The following DIP2B variants were observed in gnomAD, a reference collection of about 807,000 sequenced individuals.
DIP2B encodes disco-interacting protein 2 homolog B.
A neutral mutation model predicts 198.0 loss-of-function variants in DIP2B; 76 were observed. That is an observed-to-expected ratio of 0.38 (90% CI 0.32 to 0.46). DIP2B has a LOEUF of 0.46. DIP2B is among the 20% of genes least tolerant of loss of function. The pLI is 0.99. For synonymous variants in DIP2B, 701 were observed against 739.1 expected (o/e 0.95, Z 0.84); for missense variants, 1,559 against 1,978.4 (o/e 0.79, Z 4.02).
At chr12:50,647,728 G>T (rs1235179173) in intron 3 of DIP2B, among the ~76,000 whole-genome samples, 1 of 152,156 alleles carries the variant, frequency 6.6e-6, no homozygotes, top group Non-Finnish European at 1.5e-5. Flanking sequence ...TAACAAGTAA[G>T]GTCACTTGGT....
chr12:50,596,787 A>T (rs944848780), intron 1 of DIP2B, among the ~76,000 whole-genome samples: 1 of 152,258 alleles, frequency 6.6e-6, no homozygotes, highest in Non-Finnish European at 1.5e-5. Context: ...AGAATTCGGT[A>T]ACTAAGGAGT....
At chr12:50,648,367 T>G (rs1938387103) in intron 3 of DIP2B, among the ~76,000 whole-genome samples, 1 of 152,100 alleles carries the variant, frequency 6.6e-6, no homozygotes. Context: ...ATTATTTTAT[T>G]TATTTATTTT....
rs1043363650 is a variant in DIP2B, at chr12:50,710,875, G to C, written c.2649+2313G>C. Reference sequence around the variant, plus strand: ...GGAAAGACTATGAAGAAGGTAGAACGGGGCAGATCTCTGAAAGATGGCTAA... The same window carrying C: ...GGAAAGACTATGAAGAAGGTAGAACCGGGCAGATCTCTGAAAGATGGCTAA... On this transcript the variant is annotated intron_variant, in intron 22 of 37. Transcript: ENST00000301180. Among the ~76,000 whole-genome samples, 3 of 152,184 alleles carry C rather than the reference G, an allele frequency of 2.0e-5. No individual in the cohort carries two copies. The East Asian group carries it at 5.8e-4, about 29-fold the overall frequency.
At chr12:50,578,973 A>C (rs951328865) in intron 1 of DIP2B, among the ~76,000 whole-genome samples, 1 of 152,230 alleles carries the variant, frequency 6.6e-6, no homozygotes, top group Non-Finnish European at 1.5e-5. Flanking sequence ...AAATTGCTGG[A>C]AACAGCACAA....
At chr12:50,683,700 G>A (rs961386996) in intron 10 of DIP2B, among the ~76,000 whole-genome samples, 3 of 152,054 alleles carry the variant, frequency 2.0e-5, no homozygotes, top group Non-Finnish European at 4.4e-5. Flanking sequence ...GGAGAATGGC[G>A]TGAACCCTAG....
intron 1 of DIP2B, among the ~76,000 whole-genome samples, chr12:50,616,368 C>T (rs984376602): frequency 2.0e-5 from 3 of 152,096 alleles, no homozygotes; most frequent in East Asian, 1.9e-4. Context: ...TATAGACTGC[C>T]GGTTGAAGAC....
intron 17 of DIP2B, 142 bp downstream of exon 17, chr12:50,697,317 G>A: frequency 1.5e-6 from 1 of 680,940 alleles, no homozygotes; most frequent in Non-Finnish European, 2.4e-6. Context: ...CTTGCTCAAA[G>A]TGTATGCAGT....
chr12:50,533,767 T>G (rs548024971), intron 1 of DIP2B, among the ~76,000 whole-genome samples: 29 of 152,174 alleles, frequency 1.9e-4, no homozygotes, highest in African/African-American at 6.7e-4. Flanking sequence ...TTTTAAATTT[T>G]TTTAGACAGA....
At chr12:50,575,024 AT>A (rs1305456706) in intron 1 of DIP2B, among the ~76,000 whole-genome samples, 30 of 152,034 alleles carry the variant, frequency 2.0e-4, no homozygotes, top group Admixed American at 2.0e-3. Context: ...CATCTCTTTC[AT>A]TTTTAGTTTT....
chr12:50,650,305 A>G (rs1428137433), intron 3 of DIP2B, among the ~76,000 whole-genome samples: 1 of 152,246 alleles, frequency 6.6e-6, no homozygotes, highest in Non-Finnish European at 1.5e-5. Flanking sequence ...TAAAAATGAC[A>G]TAAAATATTT....
At chr12:50,538,819 G>C (rs1958293212) in intron 1 of DIP2B, among the ~76,000 whole-genome samples, 1 of 152,058 alleles carries the variant, frequency 6.6e-6, no homozygotes, top group South Asian at 2.1e-4. Context: ...TGAATACTGG[G>C]AAAAGCAAAC....
intron 4 of DIP2B, among the ~76,000 whole-genome samples, chr12:50,665,208 A>T (rs1326905890): frequency 6.6e-6 from 1 of 152,162 alleles, no homozygotes; most frequent in African/African-American, 2.4e-5. Flanking sequence ...ACCTACTTTA[A>T]TAATGCTTCA....
intron 2 of DIP2B, among the ~76,000 whole-genome samples, chr12:50,639,059 A>T (rs1294644817): frequency 6.6e-6 from 1 of 151,312 alleles, no homozygotes; most frequent in Admixed American, 6.6e-5. Context: ...CTGCCCTTGC[A>T]AGTGAGCCAA....
intron 3 of DIP2B, among the ~76,000 whole-genome samples, chr12:50,642,191 C>G (rs933383279): frequency 3.0e-4 from 45 of 151,998 alleles, no homozygotes; most frequent in African/African-American, 9.4e-4. Flanking sequence ...GAGAGGCTTG[C>G]TCAGAGAACA....
At chr12:50,526,199 C>T (rs1212889908) in intron 1 of DIP2B, among the ~76,000 whole-genome samples, 2 of 152,154 alleles carry the variant, frequency 1.3e-5, no homozygotes, top group African/African-American at 2.4e-5. Context: ...TAGATGGTGG[C>T]AGCTTTAAAG....
At chr12:50,584,921 T>C (rs1019253908) in intron 1 of DIP2B, among the ~76,000 whole-genome samples, 1 of 152,220 alleles carries the variant, frequency 6.6e-6, no homozygotes, top group African/African-American at 2.4e-5. Flanking sequence ...CTGCATTACA[T>C]GTAGAATCAA....
chr12:50,695,593 T>G (rs1367522872), intron 15 of DIP2B, among the ~76,000 whole-genome samples: 2 of 152,210 alleles, frequency 1.3e-5, no homozygotes, highest in African/African-American at 4.8e-5. Flanking sequence ...TGTCTTGGTA[T>G]TCACAGTTTC....
At position 50,582,145 on chromosome 12, in the gene DIP2B, G is replaced by GTT. The variant is rs367699036; in HGVS notation, c.101-43808_101-43807dup. ...TAATAGCTTCTTTTTCTTTTTTTCTGTTTTTTTTTTTTTTTTTTTTTTTTG... is the reference window on the plus strand; with the variant it reads ...TAATAGCTTCTTTTTCTTTTTTTCTGTTTTTTTTTTTTTTTTTTTTTTTTTTG... On this transcript the variant is annotated intron_variant, in intron 1 of 37. Coordinates refer to ENST00000301180, the MANE Select transcript of DIP2B (RefSeq NM_173602.3). 6.9e-3 allele frequency among the ~76,000 whole-genome samples: 533 copies of GTT among 77,444 alleles called. 7 individuals are homozygous for GTT. The highest frequency in any genetic ancestry group is 0.015 in the African/African-American group (239 of 16,108). The allele number at this position is 77,444 out of a possible 152,430, so 50.8% of individuals were successfully genotyped here. A position where few individuals can be genotyped will look rare whatever the true frequency, so the allele number is the denominator to read the frequency against.
At position 50,511,110 on chromosome 12, in the gene DIP2B, T is replaced by C. The variant is rs1203281954; in HGVS notation, c.100+5870T>C. 4.7e-5 allele frequency among the ~76,000 whole-genome samples: 7 copies of C among 150,148 alleles called. No individual in the cohort carries two copies. The East Asian group carries it at 1.4e-3, about 30-fold the overall frequency. ...ACAGGCGCCCTCCACCATGCCCAGCTAATTTTTTGTGTCTTTAGTAGAGAT... is the reference window on the plus strand; with the variant it reads ...ACAGGCGCCCTCCACCATGCCCAGCCAATTTTTTGTGTCTTTAGTAGAGAT... On this transcript the variant is annotated intron_variant, in intron 1 of 37. Coordinates refer to ENST00000301180, the MANE Select transcript of DIP2B (RefSeq NM_173602.3).
Sources: gnomAD v4.1 joint callset for allele counts (sites outside exome capture counted in the v4.1 genomes callset) on GRCh38, gnomAD v4.1.1 for gene constraint, MANE v1.5 for transcripts, NCBI Gene and HGNC (gene_info 2026-07-23, HGNC 2026-07-21) for gene names.